Variants in GPN3 observed in about 807,000 individuals in gnomAD.
GPN3 encodes ATP-binding domain 1 family member C.
Under a neutral mutation model 38.7 loss-of-function variants are expected in GPN3, and 31 were observed. The ratio of observed to expected loss-of-function variants is 0.80; its 90% CI spans 0.60 to 1.08. The LOEUF (loss-of-function observed/expected upper bound fraction) is 1.08, where lower values mean the gene tolerates loss of function less well. Among genes scored for constraint, GPN3 ranks in the 50% least tolerant of loss-of-function variants. The pLI is 0.00. For missense variants in GPN3, 301 were observed against 354.4 expected (o/e 0.85, Z 1.21); for synonymous variants, 116 against 120.2 (o/e 0.96, Z 0.23).
chr12:110,465,334 A>C lies in GPN3; in HGVS notation c.49-120T>G. ...CCTTCATCAACCAAGAGGCTGACTG[A>C]CAACAAGGGAAAAAGATACCTGACT... On this transcript the variant is annotated intron_variant, in intron 1 of 7. Transcript: ENST00000228827. 1.7e-5 allele frequency: 12 copies of C among 689,408 alleles called. No homozygotes were observed. In the South Asian group the frequency reaches 1.9e-4, roughly 11 times the overall value. 42.7% of individuals were successfully genotyped at this position (689,408 alleles called of 1,614,324 possible).
In GPN3 at chr12:110,465,209, G is replaced by C. The variant is rs1307156974; in HGVS notation, c.54C>G (p.Thr18=). ...AGTGCTGGACCATGGTGGCACAGTA[G>C]GTGCTCTGTAATGTCACAAGGCATG... ...VMGPAGSGKS[T]YCATMVQHCE... The change falls in exon 2 of 8, where the codon ACC becomes ACG. Residue 18 remains threonine, a synonymous_variant. Transcript: ENST00000228827. The C allele has an allele frequency of 2.5e-6, 4 of 1,586,162 alleles. No individual in the cohort carries two copies. In the South Asian group the frequency reaches 4.4e-5, roughly 18 times the overall value.
At chr12:110,468,267 G>A (rs1226335885), upstream of GPN3, 3 of 1,602,202 alleles carry the variant, frequency 1.9e-6, no homozygotes, top group African/African-American at 2.7e-5. Flanking sequence ...TGAGCTCCGG[G>A]AAAGTGAAGT....
At position 110,457,513 on chromosome 12, in the gene GPN3, G is replaced by GA; in HGVS notation, c.446dup (p.Lys150GlnfsTer32). 2 of 1,110,830 alleles carry GA rather than the reference G, an allele frequency of 1.8e-6. No individual in the cohort carries two copies. Among genetic ancestry groups the GA allele is most frequent in the Non-Finnish European group, 2.6e-6 (2 of 777,898 alleles). 68.8% of individuals were successfully genotyped at this position (1,110,830 alleles called of 1,614,324 possible). A position where few individuals can be genotyped will look rare whatever the true frequency, so the allele number is the denominator to read the frequency against. On this transcript the variant is annotated frameshift_variant, in exon 4 of 8. Transcript: ENST00000228827. LOFTEE classifies it high-confidence loss of function. The stretch of plus-strand genomic sequence containing the variant: ...TGTAAGAGATTTAGCTTCAGACCTT[G>GA]AATGACTCCACCATGAACTGAGAAT...
Position 110,460,650 on chromosome 12 carries a change from G to C in GPN3, c.158-788C>G, listed in dbSNP as rs142409647. On this transcript the variant is annotated intron_variant, in intron 2 of 7. Coordinates refer to ENST00000228827, the MANE Select transcript of GPN3 (RefSeq NM_016301.4). Reference sequence around the variant, plus strand: ...AGTTCAAGACTAGCCTGGCCAACATGCTGAAACCTGTCTCTACTAAAAATA... The same window carrying C: ...AGTTCAAGACTAGCCTGGCCAACATCCTGAAACCTGTCTCTACTAAAAATA... Among the ~76,000 whole-genome samples, 64 of 152,214 alleles carry C rather than the reference G, an allele frequency of 4.2e-4. No individual in the cohort carries two copies. In the East Asian group the frequency reaches 7.1e-3, roughly 17 times the overall value.
intron 2 of GPN3, among the ~76,000 whole-genome samples, chr12:110,462,540 G>C (rs769288647): frequency 6.6e-6 from 1 of 152,088 alleles, no homozygotes; most frequent in Non-Finnish European, 1.5e-5. Flanking sequence ...GACCACCCTA[G>C]TCCTGGTGTA....
intron 6 of GPN3, 131 bp from the exon 7 acceptor site, chr12:110,454,002 G>A (rs2062532449): frequency 4.8e-6 from 3 of 624,726 alleles, no homozygotes; most frequent in African/African-American, 1.9e-5. Flanking sequence ...AGGAAGAGGA[G>A]GAGAAGGGAT....
intron 1 of GPN3, among the ~76,000 whole-genome samples, chr12:110,467,207 C>G (rs1455962383): frequency 6.6e-6 from 1 of 151,998 alleles, no homozygotes; most frequent in African/African-American, 2.4e-5. Flanking sequence ...CAAGGCTGGT[C>G]CCAAACTCCT....
chr12:110,457,585 C>T lies in GPN3; in HGVS notation c.375G>A (p.Gln125=). Residue 125 remains glutamine, a synonymous_variant, in exon 4 of 8, where the codon CAG becomes CAA. Transcript: ENST00000228827. ...THLPVMKQLV[Q]QLEQWEFRVC... The stretch of plus-strand genomic sequence containing the variant: ...CTCGGAACTCCCACTGCTCGAGCTG[C>T]TGGACCAGCTGTTTCATCACAGGCA... The T allele has an allele frequency of 2.5e-6, 4 of 1,607,930 alleles. No homozygotes were observed. Among genetic ancestry groups the T allele is most frequent in the Non-Finnish European group, 2.6e-6 (3 of 1,175,284 alleles).
intron 4 of GPN3, among the ~76,000 whole-genome samples, chr12:110,457,029 C>T (rs967272059): frequency 1.3e-5 from 2 of 151,866 alleles, no homozygotes; most frequent in Non-Finnish European, 2.9e-5. Context: ...AGCAGTTCCT[C>T]CTAAATCTCT....
rs753211281 is a variant in GPN3 at position 110,468,213 on chromosome 12, C to G, written c.-10G>C. 2.8e-5 allele frequency: 44 copies of G among 1,586,304 alleles called. No homozygotes were observed. The highest frequency in any genetic ancestry group is 1.1e-4 in the African/African-American group (8 of 74,756). ...GCGCATACCGAGGCATGTTGGCTCC[C>G]GGAGCCGCCCGCCACACTCCCTTAG... On this transcript the variant is annotated 5_prime_UTR_variant, in exon 1 of 8. Coordinates refer to ENST00000228827, the MANE Select transcript of GPN3 (RefSeq NM_016301.4).
intron 3 of GPN3, among the ~76,000 whole-genome samples, chr12:110,459,492 G>A (rs1367434691): frequency 2.6e-5 from 4 of 152,148 alleles, no homozygotes; most frequent in Admixed American, 6.6e-5. Flanking sequence ...CACCTGCCTC[G>A]GCCTCCCAAA....
chr12:110,466,582 T>C (rs1016954974), intron 1 of GPN3, among the ~76,000 whole-genome samples: 72 of 151,954 alleles, frequency 4.7e-4, no homozygotes, highest in African/African-American at 1.5e-3. Flanking sequence ...CACTGCAGCT[T>C]TGACCCAGGC....
rs1489618968 is a variant in GPN3, at chr12:110,459,692, C to T, written c.325+3G>A. ...AGACAATGCATTCAAATTGTTGATT[C>T]ACCTGGACAATCAAAAAGGATATAG... On this transcript the variant is annotated splice_donor_region_variant and intron_variant, in intron 3 of 7. Transcript: ENST00000228827. 3.1e-6 allele frequency: 5 copies of T among 1,598,846 alleles called. No homozygotes were observed. The highest frequency in any genetic ancestry group is 4.3e-6 in the Non-Finnish European group (5 of 1,166,204).
intron 3 of GPN3, among the ~76,000 whole-genome samples, 173 bp downstream of exon 3, chr12:110,459,522 G>A (rs937737740): frequency 6.6e-6 from 1 of 152,212 alleles, no homozygotes; most frequent in Non-Finnish European, 1.5e-5. Context: ...TTACAGGCGT[G>A]AGCCACTGCG....
chr12:110,468,293 T>C (rs139876474), upstream of GPN3: 14,141 of 1,594,018 alleles, frequency 8.9e-3, 67 homozygotes, highest in Non-Finnish European at 0.01. Context: ...CCAATCGCAA[T>C]CCACATTCTT....
At position 110,455,846 on chromosome 12, in the gene GPN3, G is replaced by T; in HGVS notation, c.535C>A (p.Leu179Met). ...QVNIMTKMDLLSKKAKKEIEK... is the reference protein window; with the variant it reads ...QVNIMTKMDLMSKKAKKEIEK... ...ATTTCCTTTTTTGCTTTTTTACTCA[G>T]CAGATCCATTTTTGTCATGATGTTG... Residue 179 changes from leucine to methionine, a missense_variant, in exon 5 of 8, where the codon CTG becomes ATG. Coordinates refer to ENST00000228827, the MANE Select transcript of GPN3 (RefSeq NM_016301.4). The T allele has an allele frequency of 6.2e-7, 1 of 1,601,662 alleles. No individual in the cohort carries two copies. Among genetic ancestry groups the T allele is most frequent in the Non-Finnish European group, 8.6e-7 (1 of 1,168,622 alleles).
In GPN3 at chr12:110,455,606, T is replaced by C; in HGVS notation, c.643A>G (p.Thr215Ala). Reference sequence around the variant, plus strand: ...CTTACCAGTCCACATATAGCTTTAGTCAGTTTCTTGAATTTTTTGCTTCTT... The same window carrying C: ...CTTACCAGTCCACATATAGCTTTAGCCAGTTTCTTGAATTTTTTGCTTCTT... ...DLRSKKFKKL[T>A]KAICGLIDDY... The change falls in exon 6 of 8, where the codon ACT becomes GCT. Residue 215 changes from threonine to alanine, a missense_variant. Coordinates refer to ENST00000228827, the MANE Select transcript of GPN3 (RefSeq NM_016301.4). The C allele has an allele frequency of 1.4e-6, 2 of 1,438,502 alleles. No homozygotes were observed. The highest frequency in any genetic ancestry group is 1.7e-4 in the Middle Eastern group (1 of 5,720). The allele number at this position is 1,438,502 out of a possible 1,614,324, so 89.1% of individuals were successfully genotyped here.
chr12:110,464,530 TA>T (rs2062613089), intron 2 of GPN3, among the ~76,000 whole-genome samples: 1 of 151,040 alleles, frequency 6.6e-6, no homozygotes, highest in Non-Finnish European at 1.5e-5. Context: ...CATGATTCAC[TA>T]CAGCAGGACT....
chr12:110,457,603 C>A lies in GPN3; in HGVS notation c.357G>T (p.Val119=). The A allele has an allele frequency of 6.2e-7, 1 of 1,606,134 alleles. No individual in the cohort carries two copies. The highest frequency in any genetic ancestry group is 8.5e-7 in the Non-Finnish European group (1 of 1,174,640). Residue 119 remains valine (V), a synonymous_variant, in exon 4 of 8, where the codon GTG becomes GTT. Coordinates refer to ENST00000228827, the MANE Select transcript of GPN3 (RefSeq NM_016301.4). ...CGAGCTGCTGGACCAGCTGTTTCATCACAGGCAGGTGAGTGTACAACTCAA... is the reference window on the plus strand; with the variant it reads ...CGAGCTGCTGGACCAGCTGTTTCATAACAGGCAGGTGAGTGTACAACTCAA... ...GQIELYTHLP[V]MKQLVQQLEQ...
Sources: allele counts gnomAD v4.1 joint callset (sites outside exome capture counted in the v4.1 genomes callset), GRCh38; gene constraint gnomAD v4.1.1; transcripts MANE v1.5; gene names NCBI Gene and HGNC (gene_info 2026-07-23, HGNC 2026-07-21).